ANO1: variants seen among roughly 807,000 people sequenced by gnomAD.
ANO1 encodes the protein anoctamin 1.
ANO1 carries 59 observed loss-of-function variants against 124.0 expected under a neutral mutation model. That is an observed-to-expected ratio of 0.48 (90% CI 0.39 to 0.59). The LOEUF is 0.59. Ranked by LOEUF, ANO1 falls within the 20% of genes least tolerant of loss-of-function variation. ANO1 has a pLI of 0.00. For missense variants in ANO1, 1,059 were observed against 1,328.0 expected, an observed-to-expected ratio of 0.80 and a Z score of 3.15; for synonymous variants, 529 against 532.0, an observed-to-expected ratio of 0.99 and a Z score of 0.08.
At chr11:70,007,425 T>C (rs546480101) in intron 1 of ANO1, among the ~76,000 whole-genome samples, 34 of 152,160 alleles carry the variant, frequency 2.2e-4, no homozygotes, top group African/African-American at 7.5e-4. Context: ...TACAAGTGCC[T>C]GCCACCACAA....
chr11:70,159,261 G>C (rs2047948094), intron 16 of ANO1, among the ~76,000 whole-genome samples: 2 of 152,154 alleles, frequency 1.3e-5, no homozygotes, highest in African/African-American at 2.4e-5. Flanking sequence ...TGGGCCAGGG[G>C]TGGCAGCCCC....
the ANO1 span, among the ~76,000 whole-genome samples, chr11:69,978,334 T>A: frequency 1.3e-5 from 2 of 152,084 alleles, no homozygotes; most frequent in African/African-American, 4.8e-5. Flanking sequence ...CTACCTTCTG[T>A]GTTTTTTCTT....
At chr11:70,117,105 T>C (rs1418588437) in intron 8 of ANO1, among the ~76,000 whole-genome samples, 9 of 143,836 alleles carry the variant, frequency 6.3e-5, no homozygotes, top group East Asian at 2.0e-4. Context: ...TCTTTCTTTT[T>C]TTTTTTTTTT....
At position 70,159,606 on chromosome 11, in the gene ANO1, T is replaced by C. The variant is rs558629390; in HGVS notation, c.1579-1555T>C. 6.0e-4 allele frequency among the ~76,000 whole-genome samples: 91 copies of C among 152,246 alleles called. 1 individual carries two copies. The highest frequency in any genetic ancestry group is 9.6e-4 in the Non-Finnish European group (65 of 68,000). ...CCCCACACGCCCCTGGTCCTGGGGA[T>C]GCGGGGGAGATGGACCAGGGAGACT... On this transcript the variant is annotated intron_variant, in intron 16 of 25. Coordinates refer to ENST00000355303, the MANE Select transcript of ANO1 (RefSeq NM_018043.7).
chr11:69,967,226 G>C, the ANO1 span, among the ~76,000 whole-genome samples: 2 of 147,580 alleles, frequency 1.4e-5, no homozygotes, highest in South Asian at 4.4e-4. Flanking sequence ...CCGAGCGCCC[G>C]TATCACACGT....
At chr11:70,020,107 C>T (rs1186500556) in intron 1 of ANO1, among the ~76,000 whole-genome samples, 1 of 152,236 alleles carries the variant, frequency 6.6e-6, no homozygotes, top group African/African-American at 2.4e-5. Context: ...TCTATCCCCC[C>T]AGCTGGGGCA....
At chr11:70,047,018 T>C (rs1338154570) in intron 1 of ANO1, among the ~76,000 whole-genome samples, 7 of 147,410 alleles carry the variant, frequency 4.7e-5, no homozygotes, top group African/African-American at 1.8e-4. Context: ...AGATGGAGGT[T>C]GCAGTGAGCC....
intron 1 of ANO1, among the ~76,000 whole-genome samples, chr11:70,011,308 G>T (rs1856595272): frequency 6.6e-6 from 1 of 152,280 alleles, no homozygotes; most frequent in Non-Finnish European, 1.5e-5. Context: ...CAGCAGTTAA[G>T]TGGGTGTCAG....
At chr11:70,081,220 A>T (rs2044191392) in intron 1 of ANO1, among the ~76,000 whole-genome samples, 1 of 152,214 alleles carries the variant, frequency 6.6e-6, no homozygotes, top group Non-Finnish European at 1.5e-5. Context: ...GGCCAGGTTG[A>T]ATGCAATTTG....
chr11:70,033,026 G>A (rs868931485), intron 1 of ANO1, among the ~76,000 whole-genome samples: 9 of 152,204 alleles, frequency 5.9e-5, no homozygotes, highest in East Asian at 3.9e-4. Context: ...GCTCTTTCAC[G>A]TGGTACAAAT....
intron 21 of ANO1, chr11:70,170,006 A>G (rs2048395025): frequency 2.7e-6 from 1 of 371,908 alleles, no homozygotes; most frequent in Non-Finnish European, 5.3e-6. Flanking sequence ...TGCAGCATCC[A>G]AAGCCAGAGA....
At chr11:70,167,183 AC>A in intron 20 of ANO1, 58 bp from the exon 21 acceptor site, 1 of 1,591,578 alleles carries the variant, frequency 6.3e-7, no homozygotes, top group Non-Finnish European at 8.6e-7. Context: ...GAGGTGCCAG[AC>A]CCAAGCCCCC....
At chr11:70,073,879 G>A (rs1232623870), upstream of ANO1, among the ~76,000 whole-genome samples, 2 of 121,608 alleles carry the variant, frequency 1.6e-5, no homozygotes, top group East Asian at 2.3e-4. Context: ...TTCATGCTTT[G>A]GCTGCGTTTC....
At chr11:70,109,831 T>C (rs1259408456) in intron 6 of ANO1, among the ~76,000 whole-genome samples, 2 of 152,162 alleles carry the variant, frequency 1.3e-5, no homozygotes, top group African/African-American at 4.8e-5. Flanking sequence ...GGTCTCTGTG[T>C]TCCCACCGGT....
intron 1 of ANO1, among the ~76,000 whole-genome samples, chr11:70,055,055 G>GT (rs376233429): frequency 1.3e-5 from 2 of 152,094 alleles, no homozygotes; most frequent in Non-Finnish European, 1.5e-5. Context: ...CAAACGCTGA[G>GT]TTTTTTTATA....
chr11:70,139,777 A>G (rs943062910), intron 11 of ANO1, among the ~76,000 whole-genome samples: 4 of 152,204 alleles, frequency 2.6e-5, no homozygotes, highest in African/African-American at 9.6e-5. Flanking sequence ...CAGTAATGGC[A>G]TTGCTGAGTT....
At chr11:70,114,846 A>G (rs1454575429) in intron 7 of ANO1, among the ~76,000 whole-genome samples, 2 of 152,110 alleles carry the variant, frequency 1.3e-5, no homozygotes, top group Non-Finnish European at 2.9e-5. Context: ...ACAACCTGAT[A>G]GAGTTGTGTG....
chr11:70,167,348 G>T lies in ANO1; in HGVS notation c.2158G>T (p.Glu720Ter). 1 of 1,613,618 alleles carries T rather than the reference G, an allele frequency of 6.2e-7. No homozygotes were observed. The highest frequency in any genetic ancestry group is 1.1e-5 in the South Asian group (1 of 91,030). The change falls in exon 21 of 26, where the codon GAG becomes TAG. Residue 720 changes from glutamate (E) to a stop codon, truncating the protein, a stop_gained. Coordinates refer to ENST00000355303, the MANE Select transcript of ANO1 (RefSeq NM_018043.7). LOFTEE classifies it high-confidence loss of function. The stretch of plus-strand genomic sequence containing the variant: ...GCGGTACGAGGTGGATTACAACCTG[G>T]AGCCCTTCGCGGGCCTCACCCCAGA... ...KQRYEVDYNL[E>*]PFAGLTPEYM...
chr11:69,984,603 A>G (rs1339414351), upstream of ANO1, among the ~76,000 whole-genome samples: 1 of 152,172 alleles, frequency 6.6e-6, no homozygotes, highest in Non-Finnish European at 1.5e-5. Flanking sequence ...CAGTGTCCTC[A>G]GGTACCAATC....
Sources: allele counts gnomAD v4.1 joint callset (sites outside exome capture counted in the v4.1 genomes callset), GRCh38; gene constraint gnomAD v4.1.1; transcripts MANE v1.5; gene names NCBI Gene and HGNC (gene_info 2026-07-23, HGNC 2026-07-21).